FAM78B: variants seen among roughly 807,000 people sequenced by gnomAD.
FAM78B encodes protein FAM78B.
A neutral mutation model predicts 20.0 loss-of-function variants in FAM78B; 10 were observed. That is an observed-to-expected ratio of 0.50 (90% CI 0.31 to 0.85). The LOEUF (loss-of-function observed/expected upper bound fraction) is 0.85, where lower values mean the gene tolerates loss of function less well. FAM78B is among the 40% of genes least tolerant of loss of function. The pLI, the probability that FAM78B is intolerant of heterozygous loss-of-function variation, is 0.05. For synonymous variants in FAM78B, 135 were observed against 132.8 expected (o/e 1.02, Z -0.12); for missense variants, 283 against 345.0 (o/e 0.82, Z 1.42).
At chr1:166,084,238 C>CTCTCTCTCTCTCTCTCTCTCTCTCTCTT (rs1557893558) in intron 1 of FAM78B, among the ~76,000 whole-genome samples, 2 of 62,906 alleles carry the variant, frequency 3.2e-5, no homozygotes, top group Non-Finnish European at 7.6e-5. Context: ...CACACACACA[C>CTCTCTCTCTCTCTCTCTCTCTCTCTCTT]TCTCTCTCTC....
chr1:166,098,355 C>T (rs1157442554), intron 1 of FAM78B, among the ~76,000 whole-genome samples: 1 of 152,114 alleles, frequency 6.6e-6, no homozygotes, highest in South Asian at 2.1e-4. Flanking sequence ...TCCAAAATCA[C>T]ACTAGTTCAT....
intron 1 of FAM78B, among the ~76,000 whole-genome samples, chr1:166,090,523 G>C (rs1025018777): frequency 1.3e-5 from 2 of 152,168 alleles, no homozygotes; most frequent in South Asian, 2.1e-4. Flanking sequence ...CTATTAACTC[G>C]GTCCTTTCAT....
rs1653973072 is a variant in FAM78B, at chr1:166,109,892, A to ATATATATATATGTATATATG, written c.264-39130_264-39129insCATATATACATATATATATA. Among the ~76,000 whole-genome samples, 3 of 41,908 alleles carry ATATATATATATGTATATATG rather than the reference A, an allele frequency of 7.2e-5. 1 individual carries two copies. The Admixed American group carries it at 9.9e-4, about 14-fold the overall frequency. 27.5% of individuals were successfully genotyped at this position (41,908 alleles called of 152,430 possible). ...TGTATATATATATATGTATATATGT[A>ATATATATATATGTATATATG]TATATATATATATATATATATATAT... On this transcript the variant is annotated intron_variant, in intron 1 of 1. Transcript: ENST00000354422.
At chr1:166,162,953 C>G (rs947824054) in intron 1 of FAM78B, among the ~76,000 whole-genome samples, 3 of 152,186 alleles carry the variant, frequency 2.0e-5, no homozygotes, top group African/African-American at 7.2e-5. Flanking sequence ...CCATTCACCT[C>G]TAGAACACCC....
At chr1:166,133,931 C>T (rs1654975698) in intron 1 of FAM78B, among the ~76,000 whole-genome samples, 1 of 152,350 alleles carries the variant, frequency 6.6e-6, no homozygotes, top group South Asian at 2.1e-4. Context: ...ATTTCATCCT[C>T]ATCACCCCAA....
chr1:166,162,956 G>C (rs374533514), intron 1 of FAM78B, among the ~76,000 whole-genome samples: 204 of 152,138 alleles, frequency 1.3e-3, no homozygotes, highest in African/African-American at 4.7e-3. Flanking sequence ...TTCACCTCTA[G>C]AACACCCTGC....
At chr1:166,067,643 A>ATC (rs1651850216), downstream of FAM78B, among the ~76,000 whole-genome samples, 1 of 152,196 alleles carries the variant, frequency 6.6e-6, no homozygotes, top group South Asian at 2.1e-4. Flanking sequence ...AAATCACAGG[A>ATC]AGAAAAGGGG....
intron 1 of FAM78B, among the ~76,000 whole-genome samples, chr1:166,086,742 C>CA (rs1652846866): frequency 6.6e-6 from 1 of 152,156 alleles, no homozygotes; most frequent in Non-Finnish European, 1.5e-5. Flanking sequence ...ACCCTGGTGA[C>CA]AGGACCATAG....
In FAM78B at chr1:166,077,924, TAAATATATAA is replaced by T. The variant is rs1557891111; in HGVS notation, c.264-7171_264-7162del. On this transcript the variant is annotated intron_variant, in intron 1 of 1. Transcript: ENST00000354422. ...TTTATATATATAATTATATATATAA[TAAATATATAA>T]TAATATATATAATTTATATATATAA... is the stretch of plus-strand genomic sequence containing the variant. Among the ~76,000 whole-genome samples the T allele has an allele frequency of 7.2e-3, 10 of 1,390 alleles. 1 individual carries two copies. The highest frequency in any genetic ancestry group is 0.067 in the South Asian group (2 of 30). 0.9% of individuals were successfully genotyped at this position (1,390 alleles called of 152,430 possible). A position where few individuals can be genotyped will look rare whatever the true frequency, so the allele number is the denominator to read the frequency against.
At chr1:166,076,845 A>G (rs947922710) in intron 1 of FAM78B, among the ~76,000 whole-genome samples, 4 of 152,174 alleles carry the variant, frequency 2.6e-5, no homozygotes, top group Non-Finnish European at 5.9e-5. Context: ...AGTTAATTGC[A>G]AAGTTGGGTC....
At chr1:166,100,829 G>T (rs1653483879) in intron 1 of FAM78B, among the ~76,000 whole-genome samples, 2 of 152,342 alleles carry the variant, frequency 1.3e-5, no homozygotes, top group Admixed American at 6.5e-5. Flanking sequence ...CTGTCTGACA[G>T]ATTGGAAGAC....
intron 1 of FAM78B, among the ~76,000 whole-genome samples, chr1:166,073,478 C>G (rs529465054): frequency 1.4e-4 from 21 of 151,418 alleles, no homozygotes; most frequent in Admixed American, 7.9e-4. Context: ...CACCCCAAGG[C>G]AGTGACCTTC....
At chr1:166,066,051 C>A (rs975866255), downstream of FAM78B, among the ~76,000 whole-genome samples, 4 of 152,184 alleles carry the variant, frequency 2.6e-5, no homozygotes, top group African/African-American at 9.7e-5. Flanking sequence ...GCTTGGAAAG[C>A]CATTGTTTCC....
intron 1 of FAM78B, chr1:166,154,798 T>C (rs927382951): frequency 4.1e-6 from 2 of 484,860 alleles, no homozygotes; most frequent in Non-Finnish European, 4.3e-6. Context: ...CCCTCACTAG[T>C]TGTGGCACTG....
chr1:166,094,182 C>CT (rs1342780552), intron 1 of FAM78B, among the ~76,000 whole-genome samples: 4 of 152,028 alleles, frequency 2.6e-5, no homozygotes, highest in Admixed American at 2.6e-4. Context: ...ACAGATAGCA[C>CT]TTAGGAACAT....
At chr1:166,098,104 G>T (rs1239625469) in intron 1 of FAM78B, among the ~76,000 whole-genome samples, 2 of 152,220 alleles carry the variant, frequency 1.3e-5, no homozygotes, top group African/African-American at 4.8e-5. Context: ...TAGACTCGCT[G>T]GGTGGCTAGA....
intron 1 of FAM78B, among the ~76,000 whole-genome samples, chr1:166,109,266 A>T (rs907993637): frequency 5.9e-5 from 9 of 152,234 alleles, no homozygotes; most frequent in African/African-American, 2.2e-4. Flanking sequence ...ACATCTGACA[A>T]AGGACTAATA....
chr1:166,085,534 T>G (rs1218425613), intron 1 of FAM78B, among the ~76,000 whole-genome samples: 2 of 152,230 alleles, frequency 1.3e-5, no homozygotes, highest in East Asian at 3.8e-4. Flanking sequence ...TTGTCAAGTC[T>G]TCTCCAAGAT....
intron 1 of FAM78B, among the ~76,000 whole-genome samples, chr1:166,112,265 CAGATTA>C (rs1461603813): frequency 6.6e-6 from 1 of 152,176 alleles, no homozygotes; most frequent in Non-Finnish European, 1.5e-5. Flanking sequence ...AGACACAAAA[CAGATTA>C]AGGATGAAGA....
Sources: gnomAD v4.1 joint callset for allele counts (sites outside exome capture counted in the v4.1 genomes callset) on GRCh38, gnomAD v4.1.1 for gene constraint, MANE v1.5 for transcripts, NCBI Gene and HGNC (gene_info 2026-07-23, HGNC 2026-07-21) for gene names.